ARSG: variants seen among roughly 807,000 people sequenced by gnomAD.
ARSG encodes the protein arylsulfatase G.
A neutral mutation model predicts 50.5 loss-of-function variants in ARSG; 37 were observed. The ratio of observed to expected loss-of-function variants is 0.73; its 90% CI spans 0.56 to 0.96. The LOEUF is 0.96. Among genes scored for constraint, ARSG ranks in the 50% least tolerant of loss-of-function variants. ARSG has a pLI of 0.00. For missense variants in ARSG, 629 were observed against 675.3 expected (o/e 0.93, Z 0.76); for synonymous variants, 225 against 254.6 (o/e 0.88, Z 1.11).
chr17:68,356,876 T>C, intron 6 of ARSG, 72 bp downstream of exon 6: 1 of 1,592,200 alleles, frequency 6.3e-7, no homozygotes, highest in Non-Finnish European at 8.6e-7. Flanking sequence ...CCATGTCCCT[T>C]GGCCTCAGCA....
chr17:68,328,058 T>C (rs1482767256), intron 2 of ARSG, among the ~76,000 whole-genome samples: 1 of 152,048 alleles, frequency 6.6e-6, no homozygotes, highest in Non-Finnish European at 1.5e-5. Context: ...TGAGCTTGGT[T>C]CAGTGCATGT....
the ARSG span, among the ~76,000 whole-genome samples, chr17:68,442,886 T>C: frequency 6.6e-6 from 1 of 152,200 alleles, no homozygotes; most frequent in Non-Finnish European, 1.5e-5. Flanking sequence ...GCTCCTGGTA[T>C]GAGGTTGCCT....
At chr17:68,344,660 T>A (rs1043272346) in intron 3 of ARSG, among the ~76,000 whole-genome samples, 2 of 152,262 alleles carry the variant, frequency 1.3e-5, no homozygotes, top group Non-Finnish European at 2.9e-5. Context: ...TCTGCCTCAC[T>A]GCCCTTCTCC....
chr17:68,343,866 C>A, intron 3 of ARSG, 75 bp downstream of exon 3: 1 of 1,416,862 alleles, frequency 7.1e-7, no homozygotes, highest in Non-Finnish European at 9.6e-7. Context: ...TCCCAACATA[C>A]TCCCTGTCTG....
At chr17:68,389,026 G>A (rs1394019418) in intron 9 of ARSG, among the ~76,000 whole-genome samples, 2 of 152,204 alleles carry the variant, frequency 1.3e-5, no homozygotes, top group African/African-American at 2.4e-5. Context: ...AGTCAGGTGT[G>A]TGGAAGAGGG....
At chr17:68,264,359 T>C (rs1198057179) in intron 1 of ARSG, among the ~76,000 whole-genome samples, 1 of 152,240 alleles carries the variant, frequency 6.6e-6, no homozygotes, top group Non-Finnish European at 1.5e-5. Context: ...TATTGGAGTA[T>C]AAAATGTATA....
At chr17:68,265,869 G>A (rs2075150031) in intron 1 of ARSG, among the ~76,000 whole-genome samples, 1 of 151,830 alleles carries the variant, frequency 6.6e-6, no homozygotes, top group African/African-American at 2.4e-5. Flanking sequence ...ACATGGCCAC[G>A]TTCATTCATT....
chr17:68,362,605 T>G (rs1349108139), intron 6 of ARSG, among the ~76,000 whole-genome samples: 1 of 152,142 alleles, frequency 6.6e-6, no homozygotes, highest in Non-Finnish European at 1.5e-5. Context: ...CTGGAATGCT[T>G]GGGACCAGAA....
chr17:68,347,234 C>G, intron 4 of ARSG, 62 bp downstream of exon 4: 3 of 1,550,458 alleles, frequency 1.9e-6, no homozygotes, highest in Admixed American at 1.7e-5. Flanking sequence ...CTGTGTAAGA[C>G]TCCATGAACA....
At chr17:68,319,690 A>G (rs2077204372) in intron 2 of ARSG, among the ~76,000 whole-genome samples, 4 of 152,222 alleles carry the variant, frequency 2.6e-5, no homozygotes, top group African/African-American at 9.6e-5. Context: ...GGAGGACGTG[A>G]GACAACTGCT....
intron 6 of ARSG, among the ~76,000 whole-genome samples, chr17:68,358,515 CCTGTGTCTACTAAAAATACAAAAATTAG>C (rs2079136071): frequency 6.6e-6 from 1 of 151,854 alleles, no homozygotes; most frequent in African/African-American, 2.4e-5. Flanking sequence ...ACGGTGAAAC[CCTGTGTCTACTAAAAATACAAAAATTAG>C]CTGGGAGTGG....
intron 8 of ARSG, chr17:68,379,752 GTCGAA>G (rs1243339803): frequency 1.1e-6 from 1 of 889,662 alleles, no homozygotes; most frequent in Non-Finnish European, 1.3e-6. Flanking sequence ...AGAGGACCCT[GTCGAA>G]TGACATTCAG....
Position 68,370,499 on chromosome 17 carries a change from C to T in ARSG, c.957C>T (p.Phe319=), listed in dbSNP as rs765472136. ...KCELAGSVGP[F]TGFWQTRQGG... is the part of the protein sequence containing the mutation. ...AGCTAGCGGGCAGTGTGGGTCCCTT[C>T]ACTGGATTTTGGCAAACTCGTCAAG... The change falls in exon 8 of 12, where the codon TTC becomes TTT. Residue 319 remains phenylalanine, a synonymous_variant. Coordinates refer to ENST00000621439, the MANE Select transcript of ARSG (RefSeq NM_001267727.2). The T allele has an allele frequency of 4.3e-6, 7 of 1,613,918 alleles. No homozygotes were observed. The East Asian group carries it at 1.6e-4, about 36-fold the overall frequency.
At chr17:68,304,685 G>C (rs1161190113) in intron 1 of ARSG, among the ~76,000 whole-genome samples, 1 of 152,150 alleles carries the variant, frequency 6.6e-6, no homozygotes, top group East Asian at 1.9e-4. Flanking sequence ...CTTTGTTGTT[G>C]TTGTTGTTAA....
intron 2 of ARSG, among the ~76,000 whole-genome samples, chr17:68,328,071 A>T (rs1720453280): frequency 6.6e-6 from 1 of 152,044 alleles, no homozygotes; most frequent in Non-Finnish European, 1.5e-5. Flanking sequence ...GTGCATGTTG[A>T]GTCTGAGTTG....
At chr17:68,449,620 C>A in the ARSG span, among the ~76,000 whole-genome samples, 2 of 152,178 alleles carry the variant, frequency 1.3e-5, no homozygotes, top group African/African-American at 2.4e-5. Context: ...TAGTACCCCC[C>A]ACCCGTCTCT....
chr17:68,289,344 C>T (rs2075914201), upstream of ARSG, among the ~76,000 whole-genome samples: 1 of 152,144 alleles, frequency 6.6e-6, no homozygotes, highest in African/African-American at 2.4e-5. Context: ...ATCCGCTATC[C>T]TTGGGAGTTT....
chr17:68,344,865 C>T (rs1487592150), intron 3 of ARSG, among the ~76,000 whole-genome samples: 2 of 152,242 alleles, frequency 1.3e-5, no homozygotes, highest in African/African-American at 4.8e-5. Flanking sequence ...CCGTGTGAAC[C>T]TGTGGGAGGT....
the ARSG span, chr17:68,433,393 C>T: frequency 4.7e-6 from 6 of 1,286,772 alleles, no homozygotes; most frequent in South Asian, 4.8e-5. Flanking sequence ...GAAAAGAGAT[C>T]ATTCATGCCA....
Sources: allele counts gnomAD v4.1 joint callset (sites outside exome capture counted in the v4.1 genomes callset), GRCh38; gene constraint gnomAD v4.1.1; transcripts MANE v1.5; gene names NCBI Gene and HGNC (gene_info 2026-07-23, HGNC 2026-07-21).